The following MRRF variants were observed in gnomAD, a reference collection of about 807,000 sequenced individuals.
MRRF encodes mitochondrial ribosome recycling factor, also known as ribosome-recycling factor, mitochondrial.
MRRF carries 18 observed loss-of-function variants against 25.1 expected under a neutral mutation model. The observed-to-expected ratio is 0.72, with a 90% CI of 0.50 to 1.06. The LOEUF (loss-of-function observed/expected upper bound fraction) is 1.06. Ranked by LOEUF, MRRF falls within the 50% of genes least tolerant of loss-of-function variation. The probability of loss-of-function intolerance (pLI) is 0.00; values close to 1 mark genes in which losing one functional copy is unlikely to be tolerated. For synonymous variants in MRRF, 113 were observed against 112.1 expected (o/e 1.01, Z -0.05); for missense variants, 323 against 319.3 (o/e 1.01, Z -0.09).
intron 6 of MRRF, among the ~76,000 whole-genome samples, chr9:122,319,752 T>C (rs1242835850): frequency 6.6e-6 from 1 of 152,204 alleles, no homozygotes; most frequent in Non-Finnish European, 1.5e-5. Flanking sequence ...GTTGGCCTTG[T>C]TGCTATTAAT....
intron 1 of MRRF, among the ~76,000 whole-genome samples, chr9:122,269,177 A>AAT (rs1554816687): frequency 1.8e-4 from 27 of 151,002 alleles, no homozygotes; most frequent in African/African-American, 5.9e-4. Context: ...AAAAAAAAAA[A>AAT]AATAATAATA....
intron 5 of MRRF, among the ~76,000 whole-genome samples, chr9:122,298,362 G>A (rs778574953): frequency 6.6e-6 from 1 of 151,902 alleles, no homozygotes; most frequent in Non-Finnish European, 1.5e-5. Context: ...TGGAATACAG[G>A]GTATTTATTT....
intron 6 of MRRF, among the ~76,000 whole-genome samples, chr9:122,318,213 A>T (rs1042109919): frequency 6.6e-6 from 1 of 151,310 alleles, no homozygotes; most frequent in South Asian, 2.1e-4. Context: ...AGATTTCCTC[A>T]CCTGTTCCCC....
chr9:122,330,189 T>G lies in MRRF; in HGVS notation c.*7572T>G, dbSNP rs1357440977. 1 of 152,448 alleles carries G rather than the reference T, an allele frequency of 6.6e-6. No individual in the cohort carries two copies. Among genetic ancestry groups the G allele is most frequent in the Non-Finnish European group, 1.5e-5 (1 of 68,222 alleles). 9.4% of individuals were successfully genotyped at this position (152,448 alleles called of 1,614,324 possible). On this transcript the variant is annotated 3_prime_UTR_variant, in exon 7 of 7. Transcript: ENST00000344641. This position sits in a 1 kb window ranked among gnomAD's most constrained non-coding sequence, Gnocchi z 4.2. ...TTACCTCCACTACTGGGAGTGTTAG[T>G]GTCTGTGACAAAAGTGCTGGTTGCT... is the stretch of plus-strand genomic sequence containing the variant.
rs1441009614 is a variant in MRRF, at chr9:122,326,705, TTCTC to T, written c.*4089_*4092del. 6.6e-6 allele frequency: 1 copy of T among 152,218 alleles called. No homozygotes were observed. The highest frequency in any genetic ancestry group is 1.5e-5 in the Non-Finnish European group (1 of 68,032). 9.4% of individuals were successfully genotyped at this position (152,218 alleles called of 1,614,324 possible). ...AAGATTATCTGATAAGGTCTGCTCT[TTCTC>T]CTTCAACCTCAGGCTAACATTTATT... On this transcript the variant is annotated 3_prime_UTR_variant, in exon 7 of 7. Coordinates refer to ENST00000344641, the MANE Select transcript of MRRF (RefSeq NM_138777.5).
chr9:122,325,679 TG>T lies in MRRF; in HGVS notation c.*3063del. The stretch of plus-strand genomic sequence containing the variant: ...GTGTGTGTGTGTGTGTGTGTGTGTG[TG>T]TGTGTTGGAAATTACAAAATAAGTT... On this transcript the variant is annotated 3_prime_UTR_variant, in exon 7 of 7. Transcript: ENST00000344641. The T allele has an allele frequency of 1.5e-5, 2 of 136,236 alleles. No homozygotes were observed. The highest frequency in any genetic ancestry group is 1.5e-4 in the Admixed American group (2 of 13,490). 8.4% of individuals were successfully genotyped at this position (136,236 alleles called of 1,614,324 possible).
chr9:122,330,274 T>C lies in MRRF; in HGVS notation c.*7657T>C, dbSNP rs1407077706. On this transcript the variant is annotated 3_prime_UTR_variant, in exon 7 of 7. Coordinates refer to ENST00000344641, the MANE Select transcript of MRRF (RefSeq NM_138777.5). The surrounding 1 kb of genome is among the most constrained non-coding windows in gnomAD (Gnocchi z 4.2). The stretch of plus-strand genomic sequence containing the variant: ...CCTGAAGAGGAAGGGAGAAGGTCTC[T>C]GCCCACATCCCACATTTGCCGTGCA... The C allele has an allele frequency of 1.3e-5, 2 of 152,464 alleles. No individual in the cohort carries two copies. The highest frequency in any genetic ancestry group is 4.8e-5 in the African/African-American group (2 of 41,458). The allele number at this position is 152,464 out of a possible 1,614,324, so 9.4% of individuals were successfully genotyped here.
chr9:122,294,625 G>C (rs899534709), intron 5 of MRRF, among the ~76,000 whole-genome samples: 1 of 152,146 alleles, frequency 6.6e-6, no homozygotes, highest in African/African-American at 2.4e-5. Flanking sequence ...CTTTATTATA[G>C]AGGCTGTGTT....
chr9:122,308,608 A>G (rs1486260400), intron 5 of MRRF, among the ~76,000 whole-genome samples: 1 of 149,966 alleles, frequency 6.7e-6, no homozygotes, highest in Non-Finnish European at 1.5e-5. Flanking sequence ...CTGAGGCAGG[A>G]GAATCGCTTG....
Position 122,306,599 on chromosome 9 carries a change from G to T in MRRF, c.552-6628G>T, listed in dbSNP as rs528420738. Reference sequence around the variant, plus strand: ...TTGCGTTCAGAGAGGAAAAATTAAAGTCCACAGGTACTCAACTTGTAAGTG... The same window carrying T: ...TTGCGTTCAGAGAGGAAAAATTAAATTCCACAGGTACTCAACTTGTAAGTG... On this transcript the variant is annotated intron_variant, in intron 5 of 6. Transcript: ENST00000344641. Among the ~76,000 whole-genome samples the T allele has an allele frequency of 1.6e-4, 25 of 152,292 alleles. 1 individual carries two copies. The highest frequency in any genetic ancestry group is 4.6e-4 in the Admixed American group (7 of 15,298).
At chr9:122,306,274 C>G (rs1160483765) in intron 5 of MRRF, among the ~76,000 whole-genome samples, 1 of 152,184 alleles carries the variant, frequency 6.6e-6, no homozygotes, top group Non-Finnish European at 1.5e-5. Flanking sequence ...CTCCCTCATC[C>G]CCCTGCACTT....
intron 6 of MRRF, among the ~76,000 whole-genome samples, chr9:122,316,691 A>T (rs1305062966): frequency 1.3e-5 from 2 of 152,078 alleles, no homozygotes; most frequent in Non-Finnish European, 2.9e-5. Context: ...AGACAGTTTT[A>T]AAATTTTGTT....
At chr9:122,282,834 C>T (rs1170090467) in intron 3 of MRRF, among the ~76,000 whole-genome samples, 6 of 152,092 alleles carry the variant, frequency 3.9e-5, no homozygotes, top group Non-Finnish European at 5.9e-5. Flanking sequence ...GATTAGATGC[C>T]ACTGTATCTG....
rs763504021 is a variant in MRRF, at chr9:122,270,863, G to A, written c.-28-1G>A. On this transcript the variant is annotated splice_acceptor_variant, in intron 1 of 6. Coordinates refer to ENST00000344641, the MANE Select transcript of MRRF (RefSeq NM_138777.5). LOFTEE classifies it low-confidence loss of function (5UTR_SPLICE). Reference sequence around the variant, plus strand: ...TCTGCTTTTTGTCTTATTCTTTTTAGTGGATGTTTCCAAGGATTGTCTTCA... The same window carrying A: ...TCTGCTTTTTGTCTTATTCTTTTTAATGGATGTTTCCAAGGATTGTCTTCA... The A allele has an allele frequency of 6.8e-6, 11 of 1,611,880 alleles. No individual in the cohort carries two copies. Among genetic ancestry groups the A allele is most frequent in the Non-Finnish European group, 8.5e-6 (10 of 1,178,098 alleles).
In MRRF at chr9:122,328,475, G is replaced by C. The variant is rs1836197792; in HGVS notation, c.*5858G>C. Reference sequence around the variant, plus strand: ...CATCATGTTAAGTGGAATCATACAGGATTTGTCTTTTTGTGACTAGTTTAT... The same window carrying C: ...CATCATGTTAAGTGGAATCATACAGCATTTGTCTTTTTGTGACTAGTTTAT... On this transcript the variant is annotated 3_prime_UTR_variant, in exon 7 of 7. Coordinates refer to ENST00000344641, the MANE Select transcript of MRRF (RefSeq NM_138777.5). The C allele has an allele frequency of 6.6e-6, 1 of 152,074 alleles. No homozygotes were observed. The highest frequency in any genetic ancestry group is 1.5e-5 in the Non-Finnish European group (1 of 68,022). The allele number at this position is 152,074 out of a possible 1,614,324, so 9.4% of individuals were successfully genotyped here. A position where few individuals can be genotyped will look rare whatever the true frequency, so the allele number is the denominator to read the frequency against.
chr9:122,286,432 TGGTG>T (rs1297348420), intron 4 of MRRF, among the ~76,000 whole-genome samples: 1 of 152,118 alleles, frequency 6.6e-6, no homozygotes, highest in Non-Finnish European at 1.5e-5. Context: ...GTGCCAGGCG[TGGTG>T]GCTCATGCCT....
chr9:122,268,767 T>C (rs1832271348), intron 1 of MRRF, among the ~76,000 whole-genome samples: 2 of 152,228 alleles, frequency 1.3e-5, no homozygotes, highest in South Asian at 4.1e-4. Flanking sequence ...AATCTGGTTT[T>C]ATAGACTTCA....
intron 2 of MRRF, among the ~76,000 whole-genome samples, chr9:122,277,918 T>A (rs61684071): frequency 0.028 from 4,284 of 151,914 alleles, 181 homozygotes; most frequent in African/African-American, 0.093. Context: ...TATTTAAAAA[T>A]TTTTTTTATT....
At chr9:122,304,019 T>A (rs1288681471) in intron 5 of MRRF, among the ~76,000 whole-genome samples, 1 of 151,670 alleles carries the variant, frequency 6.6e-6, no homozygotes, top group Non-Finnish European at 1.5e-5. Context: ...GAGTAGTGTC[T>A]GTAGTTTGTA....
Sources: allele counts gnomAD v4.1 joint callset (sites outside exome capture counted in the v4.1 genomes callset), GRCh38; gene constraint gnomAD v4.1.1; non-coding constraint Gnocchi (gnomAD v3.1); transcripts MANE v1.5; gene names NCBI Gene and HGNC (gene_info 2026-07-23, HGNC 2026-07-21).